MFGE8: variants seen among roughly 807,000 people sequenced by gnomAD.
The protein encoded by MFGE8 is lactadherin.
A neutral mutation model predicts 42.6 loss-of-function variants in MFGE8; 34 were observed. The observed-to-expected ratio is 0.80, with a 90% CI of 0.61 to 1.06. The LOEUF is 1.06. MFGE8 is among the 50% of genes least tolerant of loss of function. The pLI, the probability that MFGE8 is intolerant of heterozygous loss-of-function variation, is 0.00. For missense variants in MFGE8, 510 were observed against 516.9 expected, an observed-to-expected ratio of 0.99 and a Z score of 0.13; for synonymous variants, 230 against 214.8, an observed-to-expected ratio of 1.07 and a Z score of -0.62.
chr15:88,907,618 C>T (rs556531041), intron 2 of MFGE8, among the ~76,000 whole-genome samples: 40 of 151,706 alleles, frequency 2.6e-4, no homozygotes, highest in African/African-American at 9.0e-4. Flanking sequence ...GGCAGAGTCA[C>T]GGGAGGCTGG....
rs56865611 is a variant in MFGE8, at chr15:88,903,416, A to T, written c.686-1681T>A. On this transcript the variant is annotated intron_variant, in intron 5 of 7. Transcript: ENST00000268150. The surrounding 1 kb of genome is among the most constrained non-coding windows in gnomAD (Gnocchi z 4.9). ...ACAGATCACCTGGGGATCTTGATATAAAAAAAAAAAGCTTATGTTTCAGCA... is the reference window on the plus strand; with the variant it reads ...ACAGATCACCTGGGGATCTTGATATTAAAAAAAAAAGCTTATGTTTCAGCA... 2 of 72,866 alleles carry T rather than the reference A, an allele frequency of 2.7e-5. No individual in the cohort carries two copies. The highest frequency in any genetic ancestry group is 3.1e-4 in the East Asian group (1 of 3,202). 4.5% of individuals were successfully genotyped at this position (72,866 alleles called of 1,614,324 possible).
Position 88,906,621 on chromosome 15 carries a change from C to CT in MFGE8, c.540+4_540+5insA. The CT allele has an allele frequency of 6.2e-7, 1 of 1,613,964 alleles. No homozygotes were observed. Among genetic ancestry groups the CT allele is most frequent in the Non-Finnish European group, 8.5e-7 (1 of 1,179,968 alleles). On this transcript the variant is annotated splice_donor_region_variant and intron_variant, in intron 4 of 7. Transcript: ENST00000268150. This position sits in a 1 kb window ranked among gnomAD's most constrained non-coding sequence, Gnocchi z 4.2. ...GCCCTTCTTTCGGGCCCCAACAAGA[C>CT]CTACCTTGTGTTTTTTATTAACATC...
Position 88,905,898 on chromosome 15 carries a change from A to G in MFGE8, c.544T>C (p.Phe182Leu), listed in dbSNP as rs969372464. 5.0e-6 allele frequency: 8 copies of G among 1,613,890 alleles called. No individual in the cohort carries two copies. The highest frequency in any genetic ancestry group is 5.1e-6 in the Non-Finnish European group (6 of 1,179,958). The change falls in exon 5 of 8, where the codon TTT becomes CTT. Residue 182 changes from phenylalanine (F) to leucine (L), a missense_variant. Physicochemically the swap from Phe to Leu is conservative, Grantham distance 22. Transcript: ENST00000268150. This position sits in a 1 kb window ranked among gnomAD's most constrained non-coding sequence, Gnocchi z 6.6. Reference protein sequence around the residue: ...IHDVNKKHKEFVGNWNKNAVH... With the variant: ...IHDVNKKHKELVGNWNKNAVH... ...GCGTTTTTGTTCCAGTTACCCACAA[A>G]CTCCTAGCAGGGAAGGGACAAGACT...
Position 88,901,619 on chromosome 15 carries a change from G to T in MFGE8, c.802C>A (p.Arg268=), listed in dbSNP as rs377161678. The part of the protein sequence containing the change: ...HLFSWNPSYA[R]LDKQGNFNAW... ...TTGAAGTTGCCCTGCTTGTCCAGCC[G>T]TGCATAGGAGGGGTTCCAGCTGAAG... The change falls in exon 6 of 8, where the codon CGG becomes AGG. Residue 268 remains arginine (R), a synonymous_variant. Transcript: ENST00000268150. The T allele has an allele frequency of 1.2e-6, 2 of 1,610,636 alleles. No homozygotes were observed. Among genetic ancestry groups the T allele is most frequent in the South Asian group, 1.1e-5 (1 of 90,996 alleles).
chr15:88,901,517 A>ACCACCAAAGGGGGCC, intron 6 of MFGE8, 34 bp downstream of exon 6: 1 of 1,072,616 alleles, frequency 9.3e-7, no homozygotes, highest in Non-Finnish European at 1.4e-6. Context: ...ATCCCACCCA[A>ACCACCAAAGGGGGCC]CCCCAGCCCC....
At chr15:88,911,990 A>T (rs1442511979) in intron 1 of MFGE8, 1 of 617,300 alleles carries the variant, frequency 1.6e-6, no homozygotes, top group Non-Finnish European at 2.6e-6. Flanking sequence ...GAGCATTGAC[A>T]CAGACAGAGG....
At chr15:88,912,685 C>A in intron 1 of MFGE8, 8 of 985,382 alleles carry the variant, frequency 8.1e-6, no homozygotes, top group Non-Finnish European at 9.6e-6. Context: ...CCAAGCTCCT[C>A]GAAGCCTCTG....
At position 88,912,088 on chromosome 15, in the gene MFGE8, G is replaced by A. The variant is rs1409530245; in HGVS notation, c.73+1159C>T. The A allele has an allele frequency of 8.6e-6, 11 of 1,286,024 alleles. No homozygotes were observed. In the South Asian group the frequency reaches 1.4e-4, roughly 16 times the overall value. 79.7% of individuals were successfully genotyped at this position (1,286,024 alleles called of 1,614,324 possible). A position where few individuals can be genotyped will look rare whatever the true frequency, so the allele number is the denominator to read the frequency against. ...GGCAAAACGGTCCAGTGGGAAAAAGGGAAAGGGAAAGGTGTACTCTACCCA... is the reference window on the plus strand; with the variant it reads ...GGCAAAACGGTCCAGTGGGAAAAAGAGAAAGGGAAAGGTGTACTCTACCCA... On this transcript the variant is annotated intron_variant, in intron 1 of 7. Coordinates refer to ENST00000268150, the MANE Select transcript of MFGE8 (RefSeq NM_005928.4).
chr15:88,908,845 T>C (rs1315015423), intron 2 of MFGE8, among the ~76,000 whole-genome samples: 1 of 152,150 alleles, frequency 6.6e-6, no homozygotes, highest in Non-Finnish European at 1.5e-5. Context: ...TCCTACTCAC[T>C]TGACCTGCTC....
chr15:88,907,061 A>G (rs1898716755), intron 3 of MFGE8, 134 bp downstream of exon 3: 5 of 1,174,058 alleles, frequency 4.3e-6, no homozygotes, highest in Admixed American at 2.0e-5. Flanking sequence ...ACTTACAGAT[A>G]CTTCATCCAT....
At chr15:88,901,814 A>G in intron 5 of MFGE8, 79 bp from the exon 6 acceptor site, 1 of 1,417,572 alleles carries the variant, frequency 7.1e-7, no homozygotes, top group Non-Finnish European at 9.9e-7. Flanking sequence ...TGAAGCAGAA[A>G]GAACTCTGTG....
At position 88,905,554 on chromosome 15, in the gene MFGE8, T is replaced by G; in HGVS notation, c.685+203A>C. On this transcript the variant is annotated intron_variant, in intron 5 of 7. Coordinates refer to ENST00000268150, the MANE Select transcript of MFGE8 (RefSeq NM_005928.4). This position sits in a 1 kb window ranked among gnomAD's most constrained non-coding sequence, Gnocchi z 6.6. ...TCTCTATCAATCAGAATGCCCTGGG[T>G]CATGGGTTGGCAGACAGCAAACACC... The G allele has an allele frequency of 1.4e-6, 1 of 719,126 alleles. No homozygotes were observed. Among genetic ancestry groups the G allele is most frequent in the Non-Finnish European group, 2.5e-6 (1 of 401,460 alleles). 44.5% of individuals were successfully genotyped at this position (719,126 alleles called of 1,614,324 possible).
In MFGE8 at chr15:88,908,728, C is replaced by T. The variant is rs529603294; in HGVS notation, c.205+1064G>A. ...CAGGGCTCTGATTGCCTTAGCAACC[C>T]GTCCGCCAAACCATACACACACCCT... On this transcript the variant is annotated intron_variant, in intron 2 of 7. Coordinates refer to ENST00000268150, the MANE Select transcript of MFGE8 (RefSeq NM_005928.4). 1.3e-4 allele frequency among the ~76,000 whole-genome samples: 20 copies of T among 152,292 alleles called. No individual in the cohort carries two copies. The South Asian group carries it at 2.1e-3, about 16-fold the overall frequency.
chr15:88,909,010 A>G (rs747719144), intron 2 of MFGE8, among the ~76,000 whole-genome samples: 12 of 152,068 alleles, frequency 7.9e-5, no homozygotes, highest in Admixed American at 6.5e-5. Context: ...GACCTGCTGG[A>G]TTCAGAAACC....
At position 88,906,756 on chromosome 15, in the gene MFGE8, C is replaced by T; in HGVS notation, c.410G>A (p.Trp137Ter). Residue 137 changes from tryptophan (W) to a stop codon, truncating the protein, a stop_gained, in exon 4 of 8, where the codon TGG becomes TAG. Coordinates refer to ENST00000268150, the MANE Select transcript of MFGE8 (RefSeq NM_005928.4). LOFTEE classifies it high-confidence loss of function. This position sits in a 1 kb window ranked among gnomAD's most constrained non-coding sequence, Gnocchi z 4.2. ...WIQVNLLRRMWVTGVVTQGAS... is the reference protein window; with the variant it reads ...WIQVNLLRRM Reference sequence around the variant, plus strand: ...ACCCTGCGTCACCACACCTGTTACCCACATCCTCCGCAGCAGGTTCACCTG... The same window carrying T: ...ACCCTGCGTCACCACACCTGTTACCTACATCCTCCGCAGCAGGTTCACCTG... The T allele has an allele frequency of 5.6e-6, 9 of 1,613,240 alleles. No homozygotes were observed. The highest frequency in any genetic ancestry group is 7.6e-6 in the Non-Finnish European group (9 of 1,179,878).
chr15:88,910,598 C>T (rs79889512), intron 1 of MFGE8: 3,554 of 155,804 alleles, frequency 0.023, 153 homozygotes, highest in African/African-American at 0.081. Context: ...CTGCATGGAC[C>T]GTCACTGGAG....
At chr15:88,900,662 G>A (rs1898318717) in intron 6 of MFGE8, 3 of 975,562 alleles carry the variant, frequency 3.1e-6, no homozygotes, top group Non-Finnish European at 2.4e-6. Context: ...CTCACTGCCA[G>A]CCAGCAGGTG....
chr15:88,909,690 G>A (rs1453826989), intron 2 of MFGE8, 102 bp downstream of exon 2: 1 of 1,568,780 alleles, frequency 6.4e-7, no homozygotes, highest in Non-Finnish European at 8.7e-7. Context: ...CTGGGGTGGG[G>A]ATCACAGGCA....
chr15:88,909,345 G>A (rs1270541532), intron 2 of MFGE8, among the ~76,000 whole-genome samples: 2 of 152,230 alleles, frequency 1.3e-5, no homozygotes, highest in African/African-American at 2.4e-5. Flanking sequence ...GCCAGGAACT[G>A]TCAGACTCTG....
Sources: allele counts gnomAD v4.1 joint callset (sites outside exome capture counted in the v4.1 genomes callset), GRCh38; gene constraint gnomAD v4.1.1; non-coding constraint Gnocchi (gnomAD v3.1); transcripts MANE v1.5; gene names NCBI Gene and HGNC (gene_info 2026-07-23, HGNC 2026-07-21).